The following TNS1 variants were observed in gnomAD, a reference collection of about 807,000 sequenced individuals.
The protein encoded by TNS1 is tensin 1, also known as tensin-1.
TNS1 carries 62 observed loss-of-function variants against 168.6 expected under a neutral mutation model. That is an observed-to-expected ratio of 0.37 (90% confidence interval 0.30 to 0.45). The LOEUF (loss-of-function observed/expected upper bound fraction) is 0.45, where lower values mean the gene tolerates loss of function less well. TNS1 is among the 20% of genes least tolerant of loss of function. TNS1 has a pLI of 1.00. For synonymous variants in TNS1, 934 were observed against 933.2 expected, an observed-to-expected ratio of 1.00 and a Z score of -0.02; for missense variants, 2,240 against 2,339.4, an observed-to-expected ratio of 0.96 and a Z score of 0.88.
chr2:218,000,637 C>T (rs1247850701), intron 1 of TNS1, among the ~76,000 whole-genome samples: 1 of 152,226 alleles, frequency 6.6e-6, no homozygotes, highest in Non-Finnish European at 1.5e-5. Flanking sequence ...AATTGAGGCT[C>T]ATGAAGGGAA....
At chr2:217,967,818 T>C (rs1957685393) in intron 3 of TNS1, among the ~76,000 whole-genome samples, 1 of 152,184 alleles carries the variant, frequency 6.6e-6, no homozygotes, top group Non-Finnish European at 1.5e-5. Flanking sequence ...AATCATTCTA[T>C]GAGGCCAAAA....
At chr2:218,024,678 C>A (rs1402706535) in intron 1 of TNS1, among the ~76,000 whole-genome samples, 1 of 152,176 alleles carries the variant, frequency 6.6e-6, no homozygotes, top group African/African-American at 2.4e-5. Flanking sequence ...CCAGAGGACA[C>A]CCAAGGTTAT....
In TNS1 at chr2:217,808,214, C is replaced by T. The variant is rs1190210555; in HGVS notation, c.5343-107G>A. Reference sequence around the variant, plus strand: ...AGGAAGGTCTGGGGAGAGGAGCTGCCCCCCATTCCCCCCTCATTCCCCCAT... The same window carrying T: ...AGGAAGGTCTGGGGAGAGGAGCTGCTCCCCATTCCCCCCTCATTCCCCCAT... On this transcript the variant is annotated intron_variant, in intron 31 of 32. Coordinates refer to ENST00000682258, the MANE Select transcript of TNS1 (RefSeq NM_001387777.1). 3 of 1,319,192 alleles carry T rather than the reference C, an allele frequency of 2.3e-6. No homozygotes were observed. In the Admixed American group the frequency reaches 6.0e-5, roughly 26 times the overall value. 81.7% of individuals were successfully genotyped at this position (1,319,192 alleles called of 1,614,324 possible).
At chr2:217,865,637 G>C (rs546226321) in intron 18 of TNS1, among the ~76,000 whole-genome samples, 2 of 152,288 alleles carry the variant, frequency 1.3e-5, no homozygotes, top group East Asian at 3.9e-4. Flanking sequence ...AAGATGTAAA[G>C]ATTGGGCAGT....
Position 217,810,263 on chromosome 2 carries a change from G to C in TNS1, c.5089C>G (p.Leu1697Val). Residue 1697 changes from leucine to valine, a missense_variant, in exon 29 of 33, where the codon CTG becomes GTG. Leu to Val is a conservative substitution (Grantham distance 32). Around this residue, in one of 2 missense-constraint regions of TNS1, gnomAD observed 2,131 missense variants for 2,171.2 expected, o/e 0.98. Transcript: ENST00000682258. ...SGPANSTADL[L>V]KQGAACNVLF... ...GACCACTCACCTGCCCCTTGTTTCA[G>C]CAGGTCTGCAGTTGAGTTGGCAGGG... is the stretch of plus-strand genomic sequence containing the variant. 6.2e-7 allele frequency: 1 copy of C among 1,614,126 alleles called. No individual in the cohort carries two copies. Among genetic ancestry groups the C allele is most frequent in the South Asian group, 1.1e-5 (1 of 91,078 alleles).
intron 18 of TNS1, among the ~76,000 whole-genome samples, chr2:217,855,949 G>A (rs976527708): frequency 1.3e-5 from 2 of 152,120 alleles, no homozygotes; most frequent in African/African-American, 2.4e-5. Context: ...CCTACCCCAT[G>A]GCATCCCCTA....
intron 1 of TNS1, among the ~76,000 whole-genome samples, chr2:218,015,853 G>T (rs911343456): frequency 2.6e-5 from 4 of 152,210 alleles, no homozygotes; most frequent in Admixed American, 2.6e-4. Flanking sequence ...GCCTGGGGTC[G>T]TCTTGATTAG....
At chr2:217,928,238 A>G (rs1240735844) in intron 3 of TNS1, among the ~76,000 whole-genome samples, 1 of 152,240 alleles carries the variant, frequency 6.6e-6, no homozygotes, top group East Asian at 1.9e-4. Context: ...AGAGGTCTCA[A>G]GGGTCCCAGC....
intron 18 of TNS1, among the ~76,000 whole-genome samples, chr2:217,876,135 G>T (rs549905564): frequency 4.6e-5 from 7 of 152,164 alleles, no homozygotes; most frequent in Middle Eastern, 6.3e-3. Context: ...ACAGAAAGGT[G>T]GGGGGTGGAT....
intron 3 of TNS1, among the ~76,000 whole-genome samples, chr2:217,923,413 G>C (rs1216252725): frequency 6.6e-6 from 1 of 152,240 alleles, no homozygotes; most frequent in Non-Finnish European, 1.5e-5. Flanking sequence ...GTTCTCAGCA[G>C]TTTGCATTAA....
chr2:217,845,118 G>T (rs1946472021), intron 19 of TNS1, among the ~76,000 whole-genome samples: 1 of 152,236 alleles, frequency 6.6e-6, no homozygotes, highest in South Asian at 2.1e-4. Context: ...AAGGCACAAG[G>T]GTGATTGGAT....
Position 217,990,957 on chromosome 2 carries a change from C to T in TNS1, c.133G>A (p.Gly45Ser). The T allele has an allele frequency of 1.5e-6, 1 of 681,530 alleles. No homozygotes were observed. The allele number at this position is 681,530 out of a possible 1,614,324, so 42.2% of individuals were successfully genotyped here. A position where few individuals can be genotyped will look rare whatever the true frequency, so the allele number is the denominator to read the frequency against. ...GICRQVITQE[G>S]CTCKVCSFSC... The stretch of plus-strand genomic sequence containing the variant: ...CGCTGCTCACCTTTGCAGGTGCAGC[C>T]TTCCTGGGTGATGACCTGGCGGCAG... The change falls in exon 2 of 33, where the codon GGC (glycine) becomes AGC (serine). Residue 45 changes from glycine to serine, a missense_variant. By Grantham distance (56) the Gly-to-Ser change is moderately conservative. This residue lies in a region of TNS1 where 2,131 missense variants were observed against 2,171.2 expected (regional missense o/e 0.98). Coordinates refer to ENST00000682258, the MANE Select transcript of TNS1 (RefSeq NM_001387777.1).
chr2:217,930,095 C>T (rs1956243196), intron 3 of TNS1, among the ~76,000 whole-genome samples: 1 of 152,260 alleles, frequency 6.6e-6, no homozygotes, highest in Non-Finnish European at 1.5e-5. Flanking sequence ...TTTCTCACCT[C>T]TCCACCTCAA....
At chr2:217,825,046 C>A (rs1352290115) in intron 22 of TNS1, among the ~76,000 whole-genome samples, 1 of 152,194 alleles carries the variant, frequency 6.6e-6, no homozygotes, top group Non-Finnish European at 1.5e-5. Flanking sequence ...GGCACACATC[C>A]ATTTTTCTCA....
At chr2:217,957,264 G>C (rs1416234069) in intron 3 of TNS1, among the ~76,000 whole-genome samples, 1 of 152,134 alleles carries the variant, frequency 6.6e-6, no homozygotes, top group Non-Finnish European at 1.5e-5. Context: ...TATGAGATGA[G>C]GTATCCAGTG....
chr2:217,958,003 TCA>T (rs57381974), intron 3 of TNS1, among the ~76,000 whole-genome samples: 31 of 145,716 alleles, frequency 2.1e-4, no homozygotes, highest in Admixed American at 4.8e-4. Flanking sequence ...AATAAAGAAT[TCA>T]CACACACACA....
At chr2:217,872,055 G>A (rs962667989) in intron 18 of TNS1, among the ~76,000 whole-genome samples, 65 of 152,248 alleles carry the variant, frequency 4.3e-4, no homozygotes, top group African/African-American at 1.4e-3. Context: ...AGAAGACTTC[G>A]TTGGACGAAG....
intron 1 of TNS1, among the ~76,000 whole-genome samples, chr2:218,022,884 A>G (rs1407911078): frequency 6.6e-6 from 1 of 152,140 alleles, no homozygotes; most frequent in Non-Finnish European, 1.5e-5. Flanking sequence ...GGGCAGTCAG[A>G]AGAGCCAACC....
At chr2:217,887,748 C>T (rs1951346233) in intron 12 of TNS1, among the ~76,000 whole-genome samples, 2 of 152,284 alleles carry the variant, frequency 1.3e-5, no homozygotes, top group South Asian at 4.1e-4. Flanking sequence ...ACACACAAAG[C>T]TGGAAGTGGA....
Sources: gnomAD v4.1 joint callset for allele counts (sites outside exome capture counted in the v4.1 genomes callset) on GRCh38, gnomAD v4.1.1 for gene constraint, gnomAD v4.1.1 regional missense constraint, MANE v1.5 for transcripts, NCBI Gene and HGNC (gene_info 2026-07-23, HGNC 2026-07-21) for gene names.